MARK3: variants seen among roughly 807,000 people sequenced by gnomAD.
The protein encoded by MARK3 is microtubule affinity regulating kinase 3, also known as MAP/microtubule affinity-regulating kinase 3.
Under a neutral mutation model 90.1 loss-of-function variants are expected in MARK3, and 46 were observed. That is an observed-to-expected ratio of 0.51 (90% CI 0.40 to 0.65). The LOEUF (loss-of-function observed/expected upper bound fraction) is 0.65, where lower values mean the gene tolerates loss of function less well. MARK3 is among the 30% of genes least tolerant of loss of function. The pLI, the probability that MARK3 is intolerant of heterozygous loss-of-function variation, is 0.00. For synonymous variants in MARK3, 321 were observed against 332.6 expected, an observed-to-expected ratio of 0.97 and a Z score of 0.38; for missense variants, 818 against 947.2, an observed-to-expected ratio of 0.86 and a Z score of 1.79.
intron 2 of MARK3, among the ~76,000 whole-genome samples, chr14:103,418,737 T>G (rs1009425303): frequency 1.3e-5 from 2 of 152,202 alleles, no homozygotes; most frequent in Non-Finnish European, 2.9e-5. Flanking sequence ...ACAGAAAGTT[T>G]GGAGAATAGA....
chr14:103,414,041 C>T (rs984939660), intron 2 of MARK3, among the ~76,000 whole-genome samples: 1 of 152,098 alleles, frequency 6.6e-6, no homozygotes, highest in Non-Finnish European at 1.5e-5. Flanking sequence ...TTTAATTTCT[C>T]TAGGAGTGAC....
intron 7 of MARK3, 149 bp from the exon 8 acceptor site, chr14:103,465,408 C>T: frequency 1.6e-6 from 1 of 611,318 alleles, no homozygotes; most frequent in Non-Finnish European, 2.9e-6. Context: ...GACTTGTCTC[C>T]TGTTTTTTTC....
rs767077438 is a variant in MARK3 at position 103,465,689 on chromosome 14, C to G, written c.673C>G (p.Gln225Glu). The change falls in exon 8 of 18, where the codon CAG becomes GAG. Residue 225 changes from glutamine (Q) to glutamate (E), a missense_variant. Physicochemically the swap from Gln to Glu is conservative, Grantham distance 29. Coordinates refer to ENST00000429436, the MANE Select transcript of MARK3 (RefSeq NM_001128918.3). The stretch of plus-strand genomic sequence containing the variant: ...TCCATACGCAGCACCTGAGCTCTTC[C>G]AGGGCAAGAAATATGACGGGCCAGA... ...SPPYAAPELFQGKKYDGPEVD... is the reference protein window; with the variant it reads ...SPPYAAPELFEGKKYDGPEVD... The G allele has an allele frequency of 5.0e-6, 8 of 1,614,004 alleles. No homozygotes were observed. The highest frequency in any genetic ancestry group is 6.8e-6 in the Non-Finnish European group (8 of 1,180,034).
Position 103,468,118 on chromosome 14 carries a change from A to G in MARK3, c.1196A>G (p.Gln399Arg). The G allele has an allele frequency of 6.2e-7, 1 of 1,614,002 alleles. No individual in the cohort carries two copies. The highest frequency in any genetic ancestry group is 8.5e-7 in the Non-Finnish European group (1 of 1,179,954). The change falls in exon 12 of 18, where the codon CAG becomes CGG. Residue 399 changes from glutamine (Q) to arginine (R), a missense_variant. Coordinates refer to ENST00000429436, the MANE Select transcript of MARK3 (RefSeq NM_001128918.3). ...AGTGATCTCAACAACAGTACTGGCC[A>G]GTCTCCTCACCACAAAGTGCAGAGA... ...PSSDLNNSTGQSPHHKVQRSV... is the reference protein window; with the variant it reads ...PSSDLNNSTGRSPHHKVQRSV...
At chr14:103,433,633 C>T (rs1342625561) in intron 3 of MARK3, among the ~76,000 whole-genome samples, 5 of 151,698 alleles carry the variant, frequency 3.3e-5, no homozygotes, top group African/African-American at 1.2e-4. Flanking sequence ...TGCAGTGAGC[C>T]GAGATCACAC....
At position 103,481,757 on chromosome 14, in the gene MARK3, C is replaced by CTTTTTTTTTTTTTTTTTTTT. The variant is rs71126030; in HGVS notation, c.1586+1275_1586+1294dup. On this transcript the variant is annotated intron_variant, in intron 14 of 17. Coordinates refer to ENST00000429436, the MANE Select transcript of MARK3 (RefSeq NM_001128918.3). ...CAGATAATGATTGATATAGGTATTT[C>CTTTTTTTTTTTTTTTTTTTT]TTTTTTTTTTTTTTTTTTTTTTTTT... 1.2e-4 allele frequency among the ~76,000 whole-genome samples: 6 copies of CTTTTTTTTTTTTTTTTTTTT among 49,802 alleles called. 3 individuals carry two copies. The highest frequency in any genetic ancestry group is 3.5e-4 in the African/African-American group (4 of 11,528). The allele number at this position is 49,802 out of a possible 152,430, so 32.7% of individuals were successfully genotyped here. A position where few individuals can be genotyped will look rare whatever the true frequency, so the allele number is the denominator to read the frequency against.
chr14:103,385,887 G>A lies in MARK3; in HGVS notation c.-143G>A. ...CGGCCCGGGCCAGGCCCGGGATCTA[G>A]ACGGCCGTAGGGGGAAGGGAGCCGC... is the stretch of plus-strand genomic sequence containing the variant. On this transcript the variant is annotated 5_prime_UTR_variant, in exon 1 of 18. It removes the in-frame stop codon of an upstream open reading frame in the 5' UTR. Coordinates refer to ENST00000429436, the MANE Select transcript of MARK3 (RefSeq NM_001128918.3). 1 of 645,974 alleles carries A rather than the reference G, an allele frequency of 1.5e-6. No homozygotes were observed. 40.0% of individuals were successfully genotyped at this position (645,974 alleles called of 1,614,324 possible).
intron 14 of MARK3, among the ~76,000 whole-genome samples, chr14:103,481,836 G>A (rs2093828763): frequency 8.1e-6 from 1 of 123,888 alleles, no homozygotes; most frequent in African/African-American, 3.0e-5. Context: ...GCCTGATCTC[G>A]GCTCACTGCA....
intron 2 of MARK3, among the ~76,000 whole-genome samples, chr14:103,426,960 C>T (rs1238933993): frequency 1.3e-5 from 2 of 151,824 alleles, no homozygotes; most frequent in Non-Finnish European, 2.9e-5. Flanking sequence ...CTTACCCATC[C>T]CAGAGTCAGC....
intron 2 of MARK3, chr14:103,417,536 G>T (rs531174226): frequency 6.6e-6 from 1 of 152,184 alleles, no homozygotes; most frequent in African/African-American, 2.4e-5. Context: ...TAGCCATTGA[G>T]GTGCCAAGGG....
intron 14 of MARK3, 149 bp from the exon 15 acceptor site, chr14:103,491,628 A>C: frequency 1.4e-6 from 1 of 720,782 alleles, no homozygotes; most frequent in Non-Finnish European, 2.3e-6. Flanking sequence ...TTTCCCACTT[A>C]ACTTACCTTT....
intron 2 of MARK3, among the ~76,000 whole-genome samples, chr14:103,408,905 C>T (rs1031592259): frequency 2.0e-5 from 3 of 152,104 alleles, no homozygotes; most frequent in African/African-American, 7.2e-5. Context: ...CTTGTGTGGG[C>T]GGAGCTGTCC....
At chr14:103,493,207 T>C (rs957687982) in intron 15 of MARK3, among the ~76,000 whole-genome samples, 3 of 151,966 alleles carry the variant, frequency 2.0e-5, no homozygotes, top group Non-Finnish European at 2.9e-5. Context: ...GATCTACTTA[T>C]TATTAGGACA....
rs547205744 is a variant in MARK3 at position 103,500,092 on chromosome 14, A to G, written c.1872-64A>G. On this transcript the variant is annotated intron_variant, in intron 16 of 17. Transcript: ENST00000429436. ...TTGGTGTTGGTATTGGTGGTCATGT[A>G]CTGGCATGTAAGATTTCTTTTCTCT... 2.1e-5 allele frequency: 27 copies of G among 1,264,560 alleles called. No individual in the cohort carries two copies. In the African/African-American group the frequency reaches 3.5e-4, roughly 16 times the overall value. The allele number at this position is 1,264,560 out of a possible 1,614,324, so 78.3% of individuals were successfully genotyped here. A position where few individuals can be genotyped will look rare whatever the true frequency, so the allele number is the denominator to read the frequency against.
chr14:103,404,980 A>G, intron 1 of MARK3, 96 bp from the exon 2 acceptor site: 1 of 812,308 alleles, frequency 1.2e-6, no homozygotes, highest in Non-Finnish European at 1.9e-6. Context: ...ATTAAAATTA[A>G]AGTAGGAATG....
In MARK3 at chr14:103,474,045, A is replaced by T. The variant is rs919203989; in HGVS notation, c.1265-948A>T. Among the ~76,000 whole-genome samples the T allele has an allele frequency of 9.5e-5, 7 of 73,858 alleles. 1 individual carries two copies. The highest frequency in any genetic ancestry group is 1.4e-4 in the Admixed American group (1 of 7,378). The allele number at this position is 73,858 out of a possible 152,430, so 48.5% of individuals were successfully genotyped here. On this transcript the variant is annotated intron_variant, in intron 12 of 17. Coordinates refer to ENST00000429436, the MANE Select transcript of MARK3 (RefSeq NM_001128918.3). ...CCCCGTCTCTACTAAAAAAAAAAAA[A>T]TATATACAAAAAAAAAAAATTAGTT...
At chr14:103,472,994 G>A (rs933585954) in intron 12 of MARK3, among the ~76,000 whole-genome samples, 6 of 148,648 alleles carry the variant, frequency 4.0e-5, no homozygotes, top group Admixed American at 1.4e-4. Context: ...GCCACAGAGC[G>A]AGACTCCGTC....
chr14:103,451,490 A>G (rs1014181950), intron 4 of MARK3, among the ~76,000 whole-genome samples: 7 of 152,230 alleles, frequency 4.6e-5, no homozygotes, highest in African/African-American at 1.7e-4. Context: ...AAATAGAATT[A>G]CATCCTTAAA....
Position 103,503,479 on chromosome 14 carries a change from A to G in MARK3, c.*252A>G, listed in dbSNP as rs565594330. 42 of 496,130 alleles carry G rather than the reference A, an allele frequency of 8.5e-5. No individual in the cohort carries two copies. The highest frequency in any genetic ancestry group is 1.4e-4 in the Non-Finnish European group (38 of 277,228). 30.7% of individuals were successfully genotyped at this position (496,130 alleles called of 1,614,324 possible). A position where few individuals can be genotyped will look rare whatever the true frequency, so the allele number is the denominator to read the frequency against. ...AGAGTCGGTGTGTGGCCCCATCTCC[A>G]TGTGCCTCCCGTCTGGGTGGGTGTG... On this transcript the variant is annotated 3_prime_UTR_variant, in exon 18 of 18. Coordinates refer to ENST00000429436, the MANE Select transcript of MARK3 (RefSeq NM_001128918.3).
Sources: gnomAD v4.1 joint callset for allele counts (sites outside exome capture counted in the v4.1 genomes callset) on GRCh38, gnomAD v4.1.1 for gene constraint, MANE v1.5 for transcripts, NCBI Gene and HGNC (gene_info 2026-07-23, HGNC 2026-07-21) for gene names.